Variants in RNF146 observed in about 807,000 individuals in gnomAD.
The protein encoded by RNF146 is ring finger protein 146.
In RNF146, 11 loss-of-function variants were observed where a neutral mutation model predicts 29.7. That is an observed-to-expected ratio of 0.37 (90% confidence interval 0.23 to 0.61). The LOEUF is 0.61. Ranked by LOEUF, RNF146 falls within the 20% of genes least tolerant of loss-of-function variation. RNF146 has a pLI of 0.66. For synonymous variants in RNF146, 150 were observed against 159.7 expected, an observed-to-expected ratio of 0.94 and a Z score of 0.46; for missense variants, 342 against 438.9, an observed-to-expected ratio of 0.78 and a Z score of 1.97.
chr6:127,272,643 GTGT>G lies in RNF146; in HGVS notation c.-109+5723_-109+5725del, dbSNP rs538106471. Among the ~76,000 whole-genome samples, 83 of 152,280 alleles carry G rather than the reference GTGT, an allele frequency of 5.5e-4. 2 individuals carry two copies. Among genetic ancestry groups the G allele is most frequent in the South Asian group, 4.1e-4 (2 of 4,832 alleles). On this transcript the variant is annotated intron_variant, in intron 1 of 2. Coordinates refer to ENST00000368314, the MANE Select transcript of RNF146 (RefSeq NM_001242850.2). ...AATCTCAGCCAAGAAGAACCTGGTT[GTGT>G]TGTTCTACGCAAATGTATTTTTGAA...
chr6:127,267,777 A>C (rs1776874061), intron 1 of RNF146, among the ~76,000 whole-genome samples: 2 of 151,972 alleles, frequency 1.3e-5, no homozygotes, highest in Non-Finnish European at 2.9e-5. Flanking sequence ...TGCATCTTAA[A>C]AGCTGAGGCT....
At chr6:127,280,056 T>C (rs1322688766) in intron 1 of RNF146, among the ~76,000 whole-genome samples, 175 bp from the exon 2 acceptor site, 1 of 151,812 alleles carries the variant, frequency 6.6e-6, no homozygotes, top group Non-Finnish European at 1.5e-5. Context: ...TTATCTCTTT[T>C]CCCTAATTTG....
chr6:127,276,683 G>T (rs1488049819), intron 1 of RNF146, among the ~76,000 whole-genome samples: 1 of 152,048 alleles, frequency 6.6e-6, no homozygotes, highest in Admixed American at 6.6e-5. Context: ...GAGTAGGCTG[G>T]AAGAACCAGA....
At chr6:127,277,269 G>T (rs1283091838) in intron 1 of RNF146, among the ~76,000 whole-genome samples, 1 of 152,012 alleles carries the variant, frequency 6.6e-6, no homozygotes, top group East Asian at 1.9e-4. Context: ...GTATGAAAAT[G>T]TGCAGTTTTC....
At position 127,288,293 on chromosome 6, in the gene RNF146, T is replaced by A. The variant is rs1213576042; in HGVS notation, c.*600T>A. The A allele has an allele frequency of 6.0e-6, 1 of 166,846 alleles. No individual in the cohort carries two copies. The highest frequency in any genetic ancestry group is 1.5e-5 in the Non-Finnish European group (1 of 68,066). The allele number at this position is 166,846 out of a possible 1,614,324, so 10.3% of individuals were successfully genotyped here. ...GCTGTCTAGTCTTATAGTTTGAGGT[T>A]TTTTTGGTCTGCATTTTTCTTTTTG... On this transcript the variant is annotated 3_prime_UTR_variant, in exon 3 of 3. Coordinates refer to ENST00000368314, the MANE Select transcript of RNF146 (RefSeq NM_001242850.2).
chr6:127,268,735 C>T (rs1777024523), intron 1 of RNF146, among the ~76,000 whole-genome samples: 1 of 152,076 alleles, frequency 6.6e-6, no homozygotes, highest in Non-Finnish European at 1.5e-5. Context: ...CTCCAAATAG[C>T]TGGTCTTTTA....
At position 127,286,970 on chromosome 6, in the gene RNF146, G is replaced by A. The variant is rs2114520133; in HGVS notation, c.357G>A (p.Glu119=). ...EGRNGWWQYD[E]RTSRELEDAF... ...GAAATGGGTGGTGGCAGTACGATGA[G>A]CGCACTAGTAGAGAGCTGGAAGATG... The change falls in exon 3 of 3, where the codon GAG becomes GAA. Residue 119 remains glutamate (E), a synonymous_variant. Transcript: ENST00000368314. This position sits in a 1 kb window ranked among gnomAD's most constrained non-coding sequence, Gnocchi z 4.6. 1.2e-6 allele frequency: 2 copies of A among 1,613,440 alleles called. No homozygotes were observed. The highest frequency in any genetic ancestry group is 4.5e-5 in the East Asian group (2 of 44,840).
chr6:127,267,993 G>T (rs1218946278), intron 1 of RNF146, among the ~76,000 whole-genome samples: 2 of 152,294 alleles, frequency 1.3e-5, no homozygotes, highest in African/African-American at 2.4e-5. Context: ...CTGGCAACTA[G>T]AATCTTTTCT....
chr6:127,287,418 G>C lies in RNF146; in HGVS notation c.805G>C (p.Asp269His), dbSNP rs1372066616. The change falls in exon 3 of 3, where the codon GAT (aspartate) becomes CAT (histidine). Residue 269 changes from aspartate (D) to histidine (H), a missense_variant. Asp to His is a moderately conservative substitution (Grantham distance 81, BLOSUM62 -1). This residue lies in a region of RNF146 where 196 missense variants were observed against 208.9 expected (regional missense o/e 0.94). Coordinates refer to ENST00000368314, the MANE Select transcript of RNF146 (RefSeq NM_001242850.2). ...GAGTCATAGGGGAGAAGGAGAAGAA[G>C]ATCATGAATCACCATCTTCAGGCAG... ...ERSHRGEGEE[D>H]HESPSSGRVP... The C allele has an allele frequency of 6.2e-7, 1 of 1,613,478 alleles. No homozygotes were observed. The highest frequency in any genetic ancestry group is 8.5e-7 in the Non-Finnish European group (1 of 1,179,632).
chr6:127,277,666 C>T (rs1180257537), intron 1 of RNF146, among the ~76,000 whole-genome samples: 1 of 151,944 alleles, frequency 6.6e-6, no homozygotes. Context: ...GGAGGCTAGG[C>T]CCATCTTTCT....
chr6:127,280,233 C>A lies in RNF146; in HGVS notation c.-106C>A. ...ATTACTCTTTTTTTCTTTTGCAGCACAAAGAATGAACCAGCAGTGGAAGAG... is the reference window on the plus strand; with the variant it reads ...ATTACTCTTTTTTTCTTTTGCAGCAAAAAGAATGAACCAGCAGTGGAAGAG... On this transcript the variant is annotated splice_region_variant and 5_prime_UTR_variant, in exon 2 of 3. Transcript: ENST00000368314. 1 of 1,090,918 alleles carries A rather than the reference C, an allele frequency of 9.2e-7. No individual in the cohort carries two copies. Among genetic ancestry groups the A allele is most frequent in the Non-Finnish European group, 1.4e-6 (1 of 740,528 alleles). 67.6% of individuals were successfully genotyped at this position (1,090,918 alleles called of 1,614,324 possible). A position where few individuals can be genotyped will look rare whatever the true frequency, so the allele number is the denominator to read the frequency against.
intron 1 of RNF146, among the ~76,000 whole-genome samples, chr6:127,269,268 G>GAATT (rs1445604639): frequency 6.6e-6 from 1 of 152,162 alleles, no homozygotes; most frequent in East Asian, 1.9e-4. Flanking sequence ...TTAGAACTTA[G>GAATT]AATTACAGAA....
rs1250697061 is a variant in RNF146, at chr6:127,280,270, A to C, written c.-69A>C. 1.3e-6 allele frequency: 2 copies of C among 1,500,814 alleles called. No homozygotes were observed. The highest frequency in any genetic ancestry group is 1.8e-6 in the Non-Finnish European group (2 of 1,103,258). The allele number at this position is 1,500,814 out of a possible 1,614,324, so 93.0% of individuals were successfully genotyped here. On this transcript the variant is annotated 5_prime_UTR_variant, in exon 2 of 3. Transcript: ENST00000368314. Reference sequence around the variant, plus strand: ...CAGCAGTGGAAGAGAAAATACTGTAAGCTGGCTGACTGCTGGTGAAGAAAA... The same window carrying C: ...CAGCAGTGGAAGAGAAAATACTGTACGCTGGCTGACTGCTGGTGAAGAAAA...
intron 1 of RNF146, among the ~76,000 whole-genome samples, chr6:127,268,050 A>AC (rs199723621): frequency 0.025 from 3,786 of 152,292 alleles, 64 homozygotes; most frequent in East Asian, 0.099. Flanking sequence ...TCTAAGTGCC[A>AC]TTTTAGTGAG....
rs1203995241 is a variant in RNF146 at position 127,274,729 on chromosome 6, A to AACAGCAAC, written c.-108-5499_-108-5492dup. Among the ~76,000 whole-genome samples, 5 of 152,086 alleles carry AACAGCAAC rather than the reference A, an allele frequency of 3.3e-5. No homozygotes were observed. In the East Asian group the frequency reaches 9.7e-4, roughly 29 times the overall value. ...CGAAGGATAGGCAGTGCTAATGACC[A>AACAGCAAC]ACAGCAACACTCAGCAGGACTTTGT... On this transcript the variant is annotated intron_variant, in intron 1 of 2. Coordinates refer to ENST00000368314, the MANE Select transcript of RNF146 (RefSeq NM_001242850.2).
chr6:127,278,325 A>G (rs1475707470), intron 1 of RNF146, among the ~76,000 whole-genome samples: 1 of 151,870 alleles, frequency 6.6e-6, no homozygotes, highest in Non-Finnish European at 1.5e-5. Flanking sequence ...TTTTTTTAGC[A>G]TTACAAACAG....
rs1394581767 is a variant in RNF146 at position 127,287,144 on chromosome 6, A to G, written c.531A>G (p.Gly177=). ...ATATAATAGATATACCAAAGAAGGGAGTAGCTGGACTTAGGCTAGACTGTG... is the reference window on the plus strand; with the variant it reads ...ATATAATAGATATACCAAAGAAGGGGGTAGCTGGACTTAGGCTAGACTGTG... The part of the protein sequence containing the change: ...KRDIIDIPKK[G]VAGLRLDCDA... Residue 177 remains glycine (G), a synonymous_variant, in exon 3 of 3, where the codon GGA becomes GGG. Coordinates refer to ENST00000368314, the MANE Select transcript of RNF146 (RefSeq NM_001242850.2). 6.2e-7 allele frequency: 1 copy of G among 1,613,318 alleles called. No individual in the cohort carries two copies. The highest frequency in any genetic ancestry group is 8.5e-7 in the Non-Finnish European group (1 of 1,179,592).
chr6:127,286,094 A>G lies in RNF146; in HGVS notation c.3-522A>G. On this transcript the variant is annotated intron_variant, in intron 2 of 2. Coordinates refer to ENST00000368314, the MANE Select transcript of RNF146 (RefSeq NM_001242850.2). The surrounding 1 kb of genome is among the most constrained non-coding windows in gnomAD (Gnocchi z 4.6). ...TTATTTTCTCCTTTGGTCTTATATG[A>G]TTGTTACCTTTATGAAGCTTTAGTG... 8.1e-7 allele frequency: 1 copy of G among 1,229,598 alleles called. No homozygotes were observed. The highest frequency in any genetic ancestry group is 1.6e-5 in the African/African-American group (1 of 64,354). The allele number at this position is 1,229,598 out of a possible 1,614,324, so 76.2% of individuals were successfully genotyped here. A position where few individuals can be genotyped will look rare whatever the true frequency, so the allele number is the denominator to read the frequency against.
chr6:127,284,816 C>T (rs922539586), intron 2 of RNF146, among the ~76,000 whole-genome samples: 6 of 151,824 alleles, frequency 4.0e-5, no homozygotes, highest in African/African-American at 1.2e-4. Flanking sequence ...ACATGTGGCC[C>T]AGGATGGCTT....
Sources: allele counts gnomAD v4.1 joint callset (sites outside exome capture counted in the v4.1 genomes callset), GRCh38; gene constraint gnomAD v4.1.1; regional missense constraint gnomAD v4.1.1; non-coding constraint Gnocchi (gnomAD v3.1); transcripts MANE v1.5; gene names NCBI Gene and HGNC (gene_info 2026-07-23, HGNC 2026-07-21).